AIG1: variants seen among roughly 807,000 people sequenced by gnomAD.
AIG1 encodes androgen induced 1.
Under a neutral mutation model 31.4 loss-of-function variants are expected in AIG1, and 23 were observed. That is an observed-to-expected ratio of 0.73 (90% CI 0.53 to 1.04). The LOEUF (loss-of-function observed/expected upper bound fraction) is 1.04, where lower values mean the gene tolerates loss of function less well. Among genes scored for constraint, AIG1 ranks in the 50% least tolerant of loss-of-function variants. The probability of loss-of-function intolerance (pLI) is 0.00; values close to 1 mark genes in which losing one functional copy is unlikely to be tolerated. For missense variants in AIG1, 274 were observed against 295.0 expected (o/e 0.93, Z 0.52); for synonymous variants, 100 against 110.5 (o/e 0.90, Z 0.60).
At chr6:143,073,262 A>G (rs1019149947) in intron 1 of AIG1, among the ~76,000 whole-genome samples, 1 of 152,094 alleles carries the variant, frequency 6.6e-6, no homozygotes, top group Non-Finnish European at 1.5e-5. Context: ...TTCATTGTCC[A>G]TTTGTCTATC....
At chr6:143,159,090 T>C (rs1786079177) in intron 2 of AIG1, among the ~76,000 whole-genome samples, 1 of 152,180 alleles carries the variant, frequency 6.6e-6, no homozygotes, top group South Asian at 2.1e-4. Context: ...GTGGCTTCCA[T>C]GTGGAGGTGC....
intron 3 of AIG1, among the ~76,000 whole-genome samples, chr6:143,202,459 T>A (rs1790772848): frequency 6.6e-6 from 1 of 152,180 alleles, no homozygotes. Flanking sequence ...TGGTTTGAAT[T>A]ATAAGACAGA....
At chr6:143,305,915 T>TG (rs1799264153) in intron 4 of AIG1, among the ~76,000 whole-genome samples, 1 of 152,224 alleles carries the variant, frequency 6.6e-6, no homozygotes, top group Non-Finnish European at 1.5e-5. Context: ...GCTCCTGTAT[T>TG]GGGTGCATAT....
At chr6:143,157,954 C>T (rs1347398431) in intron 2 of AIG1, among the ~76,000 whole-genome samples, 2 of 152,042 alleles carry the variant, frequency 1.3e-5, no homozygotes, top group African/African-American at 4.8e-5. Flanking sequence ...TTGTTCTTAC[C>T]AAGCCAGCTA....
chr6:143,304,129 A>C (rs972367451), intron 4 of AIG1, among the ~76,000 whole-genome samples: 1 of 151,920 alleles, frequency 6.6e-6, no homozygotes, highest in Non-Finnish European at 1.5e-5. Flanking sequence ...TTTTGGGCTG[A>C]GACAATGGGG....
intron 3 of AIG1, among the ~76,000 whole-genome samples, chr6:143,229,712 T>C (rs990943250): frequency 2.8e-4 from 43 of 151,250 alleles, no homozygotes; most frequent in African/African-American, 1.0e-3. Flanking sequence ...GGCAATGCCC[T>C]TTAGTTGTTT....
At chr6:143,199,765 C>T (rs990655616) in intron 3 of AIG1, among the ~76,000 whole-genome samples, 2 of 152,136 alleles carry the variant, frequency 1.3e-5, no homozygotes, top group Admixed American at 6.5e-5. Context: ...CCCCTCTCAA[C>T]AAGTTTAAAG....
At chr6:143,162,236 G>T (rs1786450039) in intron 2 of AIG1, among the ~76,000 whole-genome samples, 1 of 152,164 alleles carries the variant, frequency 6.6e-6, no homozygotes, top group African/African-American at 2.4e-5. Flanking sequence ...TCTGTGCATT[G>T]AAAACCACAA....
chr6:143,187,244 C>A, intron 3 of AIG1: 3 of 644,176 alleles, frequency 4.7e-6, no homozygotes, highest in South Asian at 2.0e-5. Context: ...TAAGAATTCC[C>A]CCTTCATCAT....
intron 4 of AIG1, among the ~76,000 whole-genome samples, chr6:143,316,073 A>G (rs1775718351): frequency 6.6e-6 from 1 of 152,116 alleles, no homozygotes; most frequent in Non-Finnish European, 1.5e-5. Flanking sequence ...CATCAGCAGC[A>G]TGGCAGAATA....
chr6:143,089,846 C>T (rs1029666758), intron 1 of AIG1, among the ~76,000 whole-genome samples: 1 of 152,150 alleles, frequency 6.6e-6, no homozygotes, highest in Non-Finnish European at 1.5e-5. Flanking sequence ...GTGATCCACC[C>T]CCATAACTCA....
chr6:143,097,523 G>A (rs1463821966), intron 1 of AIG1, among the ~76,000 whole-genome samples: 4 of 152,248 alleles, frequency 2.6e-5, no homozygotes, highest in East Asian at 1.9e-4. Context: ...GAAGCCTCCC[G>A]TGTGATCTTG....
intron 3 of AIG1, among the ~76,000 whole-genome samples, chr6:143,179,285 A>G (rs1442020459): frequency 6.6e-6 from 1 of 152,228 alleles, no homozygotes; most frequent in Non-Finnish European, 1.5e-5. Flanking sequence ...TACAGTATAC[A>G]GTCATTGCCT....
chr6:143,114,348 C>T (rs1399750387), intron 1 of AIG1, among the ~76,000 whole-genome samples: 3 of 152,200 alleles, frequency 2.0e-5, no homozygotes, highest in African/African-American at 7.2e-5. Flanking sequence ...AGGGAAAATG[C>T]TGCGAGAACC....
chr6:143,221,332 C>T (rs186864132), intron 3 of AIG1, among the ~76,000 whole-genome samples: 1 of 152,182 alleles, frequency 6.6e-6, no homozygotes, highest in East Asian at 1.9e-4. Context: ...AACCTCTGAG[C>T]TCCTTAAAAC....
chr6:143,134,396 C>CTTTTTTTTTTTTTTTTTTT (rs61322198), intron 1 of AIG1, among the ~76,000 whole-genome samples: 2 of 111,410 alleles, frequency 1.8e-5, no homozygotes, highest in African/African-American at 3.3e-5. Context: ...TCCTGGTTTC[C>CTTTTTTTTTTTTTTTTTTT]TTTTTTTTTT....
At position 143,299,739 on chromosome 6, in the gene AIG1, A is replaced by G. The variant is rs1798697617; in HGVS notation, c.515+15514A>G. Among the ~76,000 whole-genome samples, 1 of 152,178 alleles carries G rather than the reference A, an allele frequency of 6.6e-6. No homozygotes were observed. Among genetic ancestry groups the G allele is most frequent in the Non-Finnish European group, 1.5e-5 (1 of 68,036 alleles). ...TCTGCCTCTTCTCAGAACGCCACAC[A>G]TCAGCTCTGCTAAACTGCTTGTAGT... On this transcript the variant is annotated intron_variant, in intron 4 of 5. Transcript: ENST00000357847. The surrounding 1 kb of genome is among the most constrained non-coding windows in gnomAD (Gnocchi z 4.1).
chr6:143,169,169 T>A (rs933637183), intron 3 of AIG1, among the ~76,000 whole-genome samples: 1 of 152,068 alleles, frequency 6.6e-6, no homozygotes, highest in Non-Finnish European at 1.5e-5. Flanking sequence ...TAGCTTTATT[T>A]GTAGCTTTTT....
chr6:143,284,080 CT>C lies in AIG1; in HGVS notation c.400-29del, dbSNP rs1162526709. 1 of 1,511,276 alleles carries C rather than the reference CT, an allele frequency of 6.6e-7. No individual in the cohort carries two copies. The allele number at this position is 1,511,276 out of a possible 1,614,324, so 93.6% of individuals were successfully genotyped here. On this transcript the variant is annotated intron_variant, in intron 3 of 5. Transcript: ENST00000357847. This position sits in a 1 kb window ranked among gnomAD's most constrained non-coding sequence, Gnocchi z 4.4. ...ACTATAGAGAGACAATGATAGCAATCTGTGTCACCTAGTCTCTGTTATTTTC... is the reference window on the plus strand; with the variant it reads ...ACTATAGAGAGACAATGATAGCAATCGTGTCACCTAGTCTCTGTTATTTTC...
Sources: gnomAD v4.1 joint callset for allele counts (sites outside exome capture counted in the v4.1 genomes callset) on GRCh38, gnomAD v4.1.1 for gene constraint, Gnocchi (gnomAD v3.1) non-coding constraint, MANE v1.5 for transcripts, NCBI Gene and HGNC (gene_info 2026-07-23, HGNC 2026-07-21) for gene names.